The following LHFPL3 variants were observed in gnomAD, a reference collection of about 807,000 sequenced individuals.
The protein encoded by LHFPL3 is LHFPL tetraspan subfamily member 3 protein.
LHFPL3 carries 5 observed loss-of-function variants against 19.3 expected under a neutral mutation model. The ratio of observed to expected loss-of-function variants is 0.26; its 90% confidence interval spans 0.14 to 0.54. LHFPL3 has a LOEUF of 0.54. Ranked by LOEUF, LHFPL3 falls within the 20% of genes least tolerant of loss-of-function variation. The pLI, the probability that LHFPL3 is intolerant of heterozygous loss-of-function variation, is 0.94. For missense variants in LHFPL3, 249 were observed against 307.4 expected, an observed-to-expected ratio of 0.81 and a Z score of 1.42; for synonymous variants, 133 against 126.2, an observed-to-expected ratio of 1.05 and a Z score of -0.36.
At chr7:104,770,069 C>T (rs142928807) in intron 2 of LHFPL3, among the ~76,000 whole-genome samples, 14 of 152,180 alleles carry the variant, frequency 9.2e-5, no homozygotes, top group African/African-American at 3.1e-4. Context: ...CCCAAACCCC[C>T]ATTTACCTTT....
At chr7:104,331,621 A>G (rs1032834303) in intron 1 of LHFPL3, among the ~76,000 whole-genome samples, 6 of 152,200 alleles carry the variant, frequency 3.9e-5, no homozygotes, top group Admixed American at 3.9e-4. Context: ...TATACTAACA[A>G]AAAATTTAAT....
At chr7:104,532,040 AT>A (rs1413360071) in intron 1 of LHFPL3, among the ~76,000 whole-genome samples, 2 of 152,186 alleles carry the variant, frequency 1.3e-5, no homozygotes, top group East Asian at 3.9e-4. Flanking sequence ...GCACTGACTT[AT>A]AGATCCTGGT....
At chr7:104,725,556 T>C (rs979458210) in intron 1 of LHFPL3, among the ~76,000 whole-genome samples, 4 of 152,222 alleles carry the variant, frequency 2.6e-5, no homozygotes, top group East Asian at 1.9e-4. Context: ...AGGTGTTTTT[T>C]TGAACTATAG....
intron 1 of LHFPL3, among the ~76,000 whole-genome samples, chr7:104,561,711 T>C (rs937688428): frequency 6.6e-6 from 1 of 152,048 alleles, no homozygotes; most frequent in African/African-American, 2.4e-5. Flanking sequence ...ATGTGTGAAT[T>C]TGATCCTGTC....
In LHFPL3 at chr7:104,736,895, GA is replaced by G; in HGVS notation, c.668del (p.Lys223ArgfsTer8). 1 of 1,603,984 alleles carries G rather than the reference GA, an allele frequency of 6.2e-7. No individual in the cohort carries two copies. The highest frequency in any genetic ancestry group is 8.5e-7 in the Non-Finnish European group (1 of 1,174,884). ...AAGACAGCTTGATGGCAGAGGAACT[GA>G]AGGCAGAAAACAAAGGTAAGATTGC... ...RQDSLMAEELKAENKVLLSQY... is the reference protein window; with the variant it reads ...RQDSLMAEELXAENKVLLSQY... On this transcript the variant is annotated frameshift_variant, in exon 2 of 3. Coordinates refer to ENST00000424859, the MANE Select transcript of LHFPL3 (RefSeq NM_199000.3). LOFTEE classifies it high-confidence loss of function.
At chr7:104,680,143 A>G (rs1792669320) in intron 1 of LHFPL3, among the ~76,000 whole-genome samples, 1 of 152,200 alleles carries the variant, frequency 6.6e-6, no homozygotes. Flanking sequence ...CAATGAGCTG[A>G]ACGTGAAGGA....
chr7:104,550,530 A>G (rs887541384), intron 1 of LHFPL3, among the ~76,000 whole-genome samples: 3 of 152,182 alleles, frequency 2.0e-5, no homozygotes, highest in Non-Finnish European at 2.9e-5. Flanking sequence ...AAAAAGGTGG[A>G]AGAGAAGCTG....
At chr7:104,505,332 A>G (rs1474076861) in intron 1 of LHFPL3, among the ~76,000 whole-genome samples, 2 of 152,250 alleles carry the variant, frequency 1.3e-5, no homozygotes, top group Non-Finnish European at 2.9e-5. Context: ...CAAATGAGAT[A>G]TGGAAATGAA....
intron 1 of LHFPL3, among the ~76,000 whole-genome samples, chr7:104,424,846 G>T (rs1438931788): frequency 6.6e-6 from 1 of 152,002 alleles, no homozygotes; most frequent in Non-Finnish European, 1.5e-5. Flanking sequence ...GCCGGGCGTG[G>T]TGGTGGGCAC....
intron 1 of LHFPL3, among the ~76,000 whole-genome samples, chr7:104,516,012 A>G (rs550084177): frequency 1.3e-5 from 2 of 152,132 alleles, no homozygotes; most frequent in East Asian, 3.9e-4. Context: ...ACTGGTTCCA[A>G]TTTACTGTTA....
intron 1 of LHFPL3, among the ~76,000 whole-genome samples, chr7:104,594,234 G>T (rs1255839956): frequency 1.3e-5 from 2 of 152,106 alleles, no homozygotes; most frequent in African/African-American, 2.4e-5. Flanking sequence ...AGGCCTGGTG[G>T]TGACAAAAAT....
chr7:104,599,414 G>C (rs939461449), intron 1 of LHFPL3, among the ~76,000 whole-genome samples: 1 of 152,066 alleles, frequency 6.6e-6, no homozygotes, highest in Non-Finnish European at 1.5e-5. Flanking sequence ...CTGTATTTGG[G>C]GTAGAAGTAA....
chr7:104,906,150 C>T (rs1233620448), intron 2 of LHFPL3, 37 bp from the exon 3 acceptor site: 1 of 1,599,814 alleles, frequency 6.3e-7, no homozygotes, highest in Admixed American at 1.7e-5. Flanking sequence ...TTCTCTCCCC[C>T]CACCCTTTTT....
chr7:104,760,624 T>A (rs978864218), intron 2 of LHFPL3, among the ~76,000 whole-genome samples: 3 of 152,136 alleles, frequency 2.0e-5, no homozygotes, highest in African/African-American at 7.2e-5. Flanking sequence ...GTCATTTTTT[T>A]AAGCCAAGTG....
chr7:104,759,262 T>C (rs551394576), intron 2 of LHFPL3, among the ~76,000 whole-genome samples: 2 of 152,150 alleles, frequency 1.3e-5, no homozygotes, highest in Non-Finnish European at 2.9e-5. Context: ...TTATCCCTCA[T>C]AGAACTTTAC....
intron 1 of LHFPL3, among the ~76,000 whole-genome samples, chr7:104,531,688 A>G (rs1794298179): frequency 6.6e-6 from 1 of 152,178 alleles, no homozygotes; most frequent in African/African-American, 2.4e-5. Context: ...TCACTTATAT[A>G]GTGAGTATGA....
chr7:104,710,000 G>A (rs576348416), intron 1 of LHFPL3, among the ~76,000 whole-genome samples: 15 of 152,334 alleles, frequency 9.8e-5, no homozygotes, highest in African/African-American at 2.4e-4. Flanking sequence ...GTAGCAAGCC[G>A]GGATCATGCC....
intron 1 of LHFPL3, chr7:104,668,461 G>A: frequency 1.2e-5 from 20 of 1,611,942 alleles, no homozygotes; most frequent in Non-Finnish European, 1.6e-5. Context: ...GATGGGTATC[G>A]GGATGGCCCA....
At chr7:104,690,519 G>A (rs1253374841) in intron 1 of LHFPL3, among the ~76,000 whole-genome samples, 2 of 152,212 alleles carry the variant, frequency 1.3e-5, no homozygotes, top group Non-Finnish European at 2.9e-5. Flanking sequence ...GATCCAGGGA[G>A]CAAGAAGTAG....
Sources: allele counts gnomAD v4.1 joint callset (sites outside exome capture counted in the v4.1 genomes callset), GRCh38; gene constraint gnomAD v4.1.1; transcripts MANE v1.5; gene names NCBI Gene and HGNC (gene_info 2026-07-23, HGNC 2026-07-21).